Variants in PPL observed in about 807,000 individuals in gnomAD.
PPL encodes periplakin, also known as 190 kDa paraneoplastic pemphigus antigen.
Under a neutral mutation model 194.4 loss-of-function variants are expected in PPL, and 198 were observed. The ratio of observed to expected loss-of-function variants is 1.02; its 90% CI spans 0.91 to 1.15. The LOEUF (loss-of-function observed/expected upper bound fraction) is 1.15. Among genes scored for constraint, PPL ranks in the 50% most tolerant of loss-of-function variants. The probability of loss-of-function intolerance (pLI) is 0.00; values close to 1 mark genes in which losing one functional copy is unlikely to be tolerated. For synonymous variants in PPL, 1,220 were observed against 972.4 expected (o/e 1.25, Z -4.74); for missense variants, 2,885 against 2,294.8 (o/e 1.26, Z -5.25).
intron 1 of PPL, among the ~76,000 whole-genome samples, chr16:4,911,382 G>C (rs1419749262): frequency 6.6e-6 from 1 of 152,014 alleles, no homozygotes; most frequent in East Asian, 1.9e-4. Context: ...GGCTGGTCTT[G>C]AACTCCTGAC....
intron 16 of PPL, 48 bp from the exon 17 acceptor site, chr16:4,890,969 G>C (rs1195832118): frequency 6.9e-7 from 1 of 1,455,332 alleles, no homozygotes; most frequent in African/African-American, 1.4e-5. Context: ...AGAGCTCCCA[G>C]AGCCAGGCGA....
At position 4,884,049 on chromosome 16, in the gene PPL, C is replaced by T. The variant is rs1335752980; in HGVS notation, c.4606G>A (p.Glu1536Lys). 9 of 1,613,518 alleles carry T rather than the reference C, an allele frequency of 5.6e-6. 1 individual carries two copies. Among genetic ancestry groups the T allele is most frequent in the Middle Eastern group, 1.6e-4 (1 of 6,062 alleles). Reference sequence around the variant, plus strand: ...AGCCTGGCTTCCAGCCGGCTCACCTCGACGTCCAGCTCGCGCTTGCTGCGG... The same window carrying T: ...AGCCTGGCTTCCAGCCGGCTCACCTTGACGTCCAGCTCGCGCTTGCTGCGG... The part of the protein sequence containing the change: ...ESRSKRELDV[E>K]VSRLEARLSE... The change falls in exon 22 of 22, where the codon GAG becomes AAG. Residue 1536 changes from glutamate (E) to lysine (K), a missense_variant. By Grantham distance (56) the Glu-to-Lys change is moderately conservative. Coordinates refer to ENST00000345988, the MANE Select transcript of PPL (RefSeq NM_002705.5). This position sits in a 1 kb window ranked among gnomAD's most constrained non-coding sequence, Gnocchi z 5.7.
Position 4,893,542 on chromosome 16 carries a change from T to C in PPL, c.1491A>G (p.Gly497=), listed in dbSNP as rs1182721671. 2.5e-6 allele frequency: 4 copies of C among 1,612,224 alleles called. No individual in the cohort carries two copies. Among genetic ancestry groups the C allele is most frequent in the Non-Finnish European group, 3.4e-6 (4 of 1,179,728 alleles). The change falls in exon 13 of 22, where the codon GGA becomes GGG. Residue 497 remains glycine, a splice_region_variant and synonymous_variant. Coordinates refer to ENST00000345988, the MANE Select transcript of PPL (RefSeq NM_002705.5). The part of the protein sequence containing the change: ...RYEVLKTENP[G]DASDLQGRQL... ...CAGGCGAGTGGCCCTGGCACCCACC[T>C]CCGGGATTCTCGGTCTTCAGCACCT... is the stretch of plus-strand genomic sequence containing the variant.
At chr16:4,936,537 C>G (rs2089300800) in intron 1 of PPL, among the ~76,000 whole-genome samples, 1 of 152,186 alleles carries the variant, frequency 6.6e-6, no homozygotes, top group Admixed American at 6.5e-5. Context: ...CCTCAGGGCG[C>G]CCCCTGGACG....
chr16:4,897,823 A>C, intron 8 of PPL, 53 bp from the exon 9 acceptor site: 1 of 1,425,832 alleles, frequency 7.0e-7, no homozygotes, highest in East Asian at 2.3e-5. Flanking sequence ...GCAGACACCA[A>C]GGGAGGGACT....
Position 4,884,248 on chromosome 16 carries a change from CTCT to C in PPL, c.4404_4406del (p.Glu1469del), listed in dbSNP as rs749233392. ...CCTCCAGGAGCTGCCGCCGGTGCTG[CTCT>C]TCTTCCAGCTGGAGTCGGAGCAGGG... is the stretch of plus-strand genomic sequence containing the variant. On this transcript the variant is annotated inframe_deletion, in exon 22 of 22. Coordinates refer to ENST00000345988, the MANE Select transcript of PPL (RefSeq NM_002705.5). The surrounding 1 kb of genome is among the most constrained non-coding windows in gnomAD (Gnocchi z 5.7). 5.0e-6 allele frequency: 8 copies of C among 1,613,180 alleles called. No homozygotes were observed. Among genetic ancestry groups the C allele is most frequent in the Middle Eastern group, 1.6e-4 (1 of 6,080 alleles).
intron 2 of PPL, among the ~76,000 whole-genome samples, chr16:4,907,238 G>T (rs1309955012): frequency 6.6e-6 from 1 of 151,094 alleles, no homozygotes; most frequent in Non-Finnish European, 1.5e-5. Context: ...CTCCAGCCTG[G>T]GTGACAGAGC....
chr16:4,917,832 G>A (rs1482569539), intron 1 of PPL, among the ~76,000 whole-genome samples: 4 of 152,198 alleles, frequency 2.6e-5, no homozygotes, highest in East Asian at 3.9e-4. Context: ...AGCCCAGGGG[G>A]TTGAGGCTGC....
rs760267609 is a variant in PPL, at chr16:4,900,967, G to C, written c.561C>G (p.Asp187Glu). The C allele has an allele frequency of 5.6e-6, 9 of 1,613,982 alleles. No homozygotes were observed. The African/African-American group carries it at 8.0e-5, about 14-fold the overall frequency. ...AIGPHLAKDG[D>E]KEQNSELRAK... ...ACCACACCAGCACACGCCCCACCTT[G>C]TCCCCGTCCTTGGCCAGGTGGGGCC... Residue 187 changes from aspartate (D) to glutamate (E), a missense_variant, in exon 5 of 22, where the codon GAC (aspartate) becomes GAG (glutamate). Transcript: ENST00000345988.
chr16:4,904,966 C>T (rs947219975), intron 2 of PPL, among the ~76,000 whole-genome samples: 6 of 152,190 alleles, frequency 3.9e-5, no homozygotes, highest in East Asian at 1.9e-4. Flanking sequence ...GAATGGCAGC[C>T]GGGACAGTAG....
At chr16:4,911,156 C>CTT (rs34229581) in intron 1 of PPL, among the ~76,000 whole-genome samples, 882 of 85,846 alleles carry the variant, frequency 0.01, 8 homozygotes, top group African/African-American at 0.012. Flanking sequence ...GGTCAGCCTC[C>CTT]TTTTTTTTTT....
chr16:4,899,490 G>A, intron 6 of PPL, 106 bp from the exon 7 acceptor site: 1 of 1,455,842 alleles, frequency 6.9e-7, no homozygotes, highest in Non-Finnish European at 9.1e-7. Context: ...CTGAGGACAA[G>A]CCCAGCTATG....
At chr16:4,887,601 A>C (rs2088239876) in intron 20 of PPL, among the ~76,000 whole-genome samples, 1 of 152,046 alleles carries the variant, frequency 6.6e-6, no homozygotes, top group South Asian at 2.1e-4. Context: ...GTTCAGCTGC[A>C]TTTTCAAAAA....
At chr16:4,900,784 ATCCTC>A (rs779995517) in intron 6 of PPL, 41 bp downstream of exon 6, 4 of 1,612,448 alleles carry the variant, frequency 2.5e-6, no homozygotes, top group Non-Finnish European at 3.4e-6. Context: ...CAAGCTTCCC[ATCCTC>A]TCCTCTCCCC....
At chr16:4,895,073 G>C (rs1006380158) in intron 11 of PPL, among the ~76,000 whole-genome samples, 188 bp downstream of exon 11, 1 of 152,198 alleles carries the variant, frequency 6.6e-6, no homozygotes, top group Non-Finnish European at 1.5e-5. Context: ...GGAACACAAG[G>C]CCAGGGCAGC....
Position 4,882,980 on chromosome 16 carries a change from G to A in PPL, c.*404C>T, listed in dbSNP as rs1411726092. ...AGCCCCCACGGGCCCAGGCCTTTGT[G>A]GGGCAGTGTCACTGTCTGGTGTGCC... is the stretch of plus-strand genomic sequence containing the variant. On this transcript the variant is annotated 3_prime_UTR_variant, in exon 22 of 22. Transcript: ENST00000345988. 5 of 214,024 alleles carry A rather than the reference G, an allele frequency of 2.3e-5. No homozygotes were observed. The highest frequency in any genetic ancestry group is 4.7e-5 in the Non-Finnish European group (5 of 106,878). 13.3% of individuals were successfully genotyped at this position (214,024 alleles called of 1,614,324 possible).
chr16:4,930,207 C>G (rs929309288), intron 1 of PPL, among the ~76,000 whole-genome samples: 1 of 152,190 alleles, frequency 6.6e-6, no homozygotes, highest in African/African-American at 2.4e-5. Context: ...AACTGATCCC[C>G]GGGTTCGGCG....
intron 9 of PPL, 150 bp from the exon 10 acceptor site, chr16:4,895,866 T>C: frequency 8.7e-7 from 1 of 1,151,900 alleles, no homozygotes; most frequent in Admixed American, 2.3e-5. Flanking sequence ...CTGAGGCTCC[T>C]CTGCGTGGAG....
At chr16:4,936,066 C>T (rs988164850) in intron 1 of PPL, among the ~76,000 whole-genome samples, 2 of 152,182 alleles carry the variant, frequency 1.3e-5, no homozygotes, top group Non-Finnish European at 2.9e-5. Flanking sequence ...CCACCAGGCT[C>T]CCCTAAACCG....
Sources: gnomAD v4.1 joint callset for allele counts (sites outside exome capture counted in the v4.1 genomes callset) on GRCh38, gnomAD v4.1.1 for gene constraint, Gnocchi (gnomAD v3.1) non-coding constraint, MANE v1.5 for transcripts, NCBI Gene and HGNC (gene_info 2026-07-23, HGNC 2026-07-21) for gene names.